Variants in GRIK1 observed in about 807,000 individuals in gnomAD.
GRIK1 encodes the protein glutamate receptor ionotropic, kainate 1.
In GRIK1, 69 loss-of-function variants were observed where a neutral mutation model predicts 105.7. The ratio of observed to expected loss-of-function variants is 0.65; its 90% CI spans 0.54 to 0.80. GRIK1 has a LOEUF of 0.80. GRIK1 is among the 30% of genes least tolerant of loss of function. GRIK1 has a pLI of 0.00. For synonymous variants in GRIK1, 438 were observed against 431.3 expected, an observed-to-expected ratio of 1.02 and a Z score of -0.19; for missense variants, 1,109 against 1,167.3, an observed-to-expected ratio of 0.95 and a Z score of 0.73.
At chr21:29,764,855 C>T (rs920114277) in intron 1 of GRIK1, among the ~76,000 whole-genome samples, 2 of 152,122 alleles carry the variant, frequency 1.3e-5, no homozygotes, top group Admixed American at 6.6e-5. Flanking sequence ...TTCACCTTAT[C>T]CTTAACAAGC....
intron 7 of GRIK1, among the ~76,000 whole-genome samples, chr21:29,624,547 G>A (rs537318736): frequency 6.6e-6 from 1 of 152,108 alleles, no homozygotes; most frequent in African/African-American, 2.4e-5. Flanking sequence ...TAACCAAAAG[G>A]TCAGCTCAAG....
At position 29,939,435 on chromosome 21, in the gene GRIK1, G is replaced by A. The variant is rs754563617; in HGVS notation, c.66C>T (p.Leu22=). The A allele has an allele frequency of 2.0e-5, 32 of 1,594,552 alleles. No homozygotes were observed. In the South Asian group the frequency reaches 3.5e-4, roughly 17 times the overall value. The change falls in exon 1 of 18, where the codon CTC becomes CTT. Residue 22 remains leucine (L), a synonymous_variant. Transcript: ENST00000327783. ...GAGGGAGGATATAGCAGAGGAAATA[G>A]AGGAGTGCCCAGCTGGTGTCCCTGG... ...LWTRDTSWAL[L]YFLCYILPQT... is the part of the protein sequence containing the mutation.
chr21:29,556,155 TAA>T (rs1237890312), intron 15 of GRIK1, among the ~76,000 whole-genome samples: 3 of 152,222 alleles, frequency 2.0e-5, no homozygotes, highest in African/African-American at 7.2e-5. Context: ...CATTAAATGT[TAA>T]GTCTCTACCC....
chr21:29,751,674 A>G (rs1288565442), intron 1 of GRIK1, among the ~76,000 whole-genome samples: 1 of 152,120 alleles, frequency 6.6e-6, no homozygotes, highest in African/African-American at 2.4e-5. Flanking sequence ...AGCCTGACAC[A>G]CCCAGTCAAT....
intron 1 of GRIK1, among the ~76,000 whole-genome samples, chr21:29,788,451 G>A (rs2066322167): frequency 6.6e-6 from 1 of 152,110 alleles, no homozygotes. Context: ...GAGATGGGAT[G>A]GAAATGACTC....
intron 3 of GRIK1, among the ~76,000 whole-genome samples, chr21:29,679,012 A>T (rs967564329): frequency 1.3e-5 from 2 of 152,226 alleles, no homozygotes; most frequent in African/African-American, 4.8e-5. Flanking sequence ...AAACTAAGTC[A>T]TTACTTAAAT....
chr21:29,746,628 A>G (rs567417263), intron 1 of GRIK1, among the ~76,000 whole-genome samples: 1 of 152,360 alleles, frequency 6.6e-6, no homozygotes, highest in South Asian at 2.1e-4. Flanking sequence ...TTGTAATTGT[A>G]AAGTGACTAT....
At chr21:29,932,070 A>G (rs1357156644) in intron 1 of GRIK1, among the ~76,000 whole-genome samples, 1 of 152,180 alleles carries the variant, frequency 6.6e-6, no homozygotes, top group African/African-American at 2.4e-5. Context: ...TGAAACATTA[A>G]TAAGTAGAAA....
chr21:29,610,240 G>A (rs2076896084), intron 7 of GRIK1, among the ~76,000 whole-genome samples: 1 of 152,104 alleles, frequency 6.6e-6, no homozygotes, highest in Admixed American at 6.6e-5. Context: ...ACCTTTGTGT[G>A]GTAGGGTGAA....
chr21:29,697,802 C>T (rs948463861), intron 1 of GRIK1, among the ~76,000 whole-genome samples: 4 of 152,088 alleles, frequency 2.6e-5, no homozygotes, highest in Non-Finnish European at 5.9e-5. Context: ...GGGGCACACA[C>T]GTTGGGGCCC....
intron 4 of GRIK1, among the ~76,000 whole-genome samples, chr21:29,663,642 T>C (rs1440399688): frequency 5.3e-5 from 8 of 152,188 alleles, no homozygotes; most frequent in Admixed American, 3.3e-4. Context: ...GTAACAGATT[T>C]TTTTTGGCTA....
At chr21:29,631,317 G>A (rs2062266904) in intron 7 of GRIK1, among the ~76,000 whole-genome samples, 1 of 152,186 alleles carries the variant, frequency 6.6e-6, no homozygotes, top group African/African-American at 2.4e-5. Flanking sequence ...ATGAAAATTA[G>A]GCTTAGATGA....
At chr21:29,903,328 C>T (rs1441231771) in intron 1 of GRIK1, among the ~76,000 whole-genome samples, 2 of 152,180 alleles carry the variant, frequency 1.3e-5, no homozygotes, top group African/African-American at 4.8e-5. Flanking sequence ...AAGAAATTAT[C>T]ATCAGAGTGA....
chr21:29,748,761 CT>C (rs2065108220), intron 1 of GRIK1: 1 of 152,200 alleles, frequency 6.6e-6, no homozygotes, highest in Non-Finnish European at 1.5e-5. Flanking sequence ...CTTCTCCTTG[CT>C]GTAAACATGA....
At chr21:29,704,568 A>T in intron 1 of GRIK1, among the ~76,000 whole-genome samples, 1 of 152,144 alleles carries the variant, frequency 6.6e-6, no homozygotes, top group East Asian at 1.9e-4. Context: ...TCCCCAGTAA[A>T]TGGTCCTTCA....
intron 1 of GRIK1, among the ~76,000 whole-genome samples, chr21:29,898,375 G>A (rs551656647): frequency 1.3e-5 from 2 of 152,260 alleles, no homozygotes; most frequent in African/African-American, 2.4e-5. Context: ...ACCAGGAAAG[G>A]CTGACAGAAG....
chr21:29,712,087 C>T (rs868478898), intron 1 of GRIK1, among the ~76,000 whole-genome samples: 12,933 of 137,876 alleles, frequency 0.094, 677 homozygotes, highest in African/African-American at 0.14. Flanking sequence ...CATACATACA[C>T]ACACACACAC....
chr21:29,785,012 A>T (rs1402018431), intron 1 of GRIK1, among the ~76,000 whole-genome samples: 3 of 152,338 alleles, frequency 2.0e-5, no homozygotes, highest in African/African-American at 7.2e-5. Context: ...AATAATTATT[A>T]TTGAAGTTGC....
chr21:29,679,548 A>T (rs981379329), intron 3 of GRIK1, among the ~76,000 whole-genome samples: 5 of 152,106 alleles, frequency 3.3e-5, no homozygotes, highest in African/African-American at 1.2e-4. Flanking sequence ...CCTTATTCAG[A>T]TGTCTAATAG....
Sources: allele counts gnomAD v4.1 joint callset (sites outside exome capture counted in the v4.1 genomes callset), GRCh38; gene constraint gnomAD v4.1.1; transcripts MANE v1.5; gene names NCBI Gene and HGNC (gene_info 2026-07-23, HGNC 2026-07-21).